VTI1A: variants seen among roughly 807,000 people sequenced by gnomAD.
VTI1A encodes the protein vesicle transport through interaction with t-SNAREs 1A.
In VTI1A, 22 loss-of-function variants were observed where a neutral mutation model predicts 34.9. The ratio of observed to expected loss-of-function variants is 0.63; its 90% CI spans 0.45 to 0.90. The LOEUF (loss-of-function observed/expected upper bound fraction) is 0.90, where lower values mean the gene tolerates loss of function less well. Ranked by LOEUF, VTI1A falls within the 40% of genes least tolerant of loss-of-function variation. The probability of loss-of-function intolerance (pLI) is 0.00; values close to 1 mark genes in which losing one functional copy is unlikely to be tolerated. For missense variants in VTI1A, 268 were observed against 275.6 expected (o/e 0.97, Z 0.20); for synonymous variants, 87 against 97.3 (o/e 0.89, Z 0.62).
intron 7 of VTI1A, among the ~76,000 whole-genome samples, chr10:112,783,594 C>T (rs1852199171): frequency 6.6e-6 from 1 of 152,196 alleles, no homozygotes; most frequent in Admixed American, 6.5e-5. Flanking sequence ...TGGCCTTTGG[C>T]TTCATGGCTA....
rs574700195 is a variant in VTI1A, at chr10:112,586,563, G to A, written c.427+48233G>A. On this transcript the variant is annotated intron_variant, in intron 5 of 7. Coordinates refer to ENST00000393077, the MANE Select transcript of VTI1A (RefSeq NM_145206.4). ...ATAAAGGATAATTTTGACATTGCAT[G>A]TGACCTGTAATCTCAAAAGCAAGTA... Among the ~76,000 whole-genome samples, 15 of 152,258 alleles carry A rather than the reference G, an allele frequency of 9.9e-5. No individual in the cohort carries two copies. The South Asian group carries it at 2.5e-3, about 25-fold the overall frequency.
intron 3 of VTI1A, among the ~76,000 whole-genome samples, chr10:112,480,718 G>C (rs1409605377): frequency 2.0e-5 from 3 of 152,112 alleles, no homozygotes; most frequent in African/African-American, 7.2e-5. Flanking sequence ...GGGAGGAAGG[G>C]GAGGACTGGA....
At chr10:112,800,216 G>A (rs906775757) in intron 7 of VTI1A, among the ~76,000 whole-genome samples, 4 of 152,196 alleles carry the variant, frequency 2.6e-5, no homozygotes, top group Non-Finnish European at 5.9e-5. Flanking sequence ...CATCTTGGCC[G>A]TCAACGAGTA....
chr10:112,450,820 AATT>A (rs1393241207), intron 1 of VTI1A: 2 of 152,080 alleles, frequency 1.3e-5, no homozygotes, highest in Admixed American at 6.5e-5. Flanking sequence ...TTGTTTTTTT[AATT>A]ATTATGGTTC....
chr10:112,790,818 C>T (rs758462877), intron 7 of VTI1A, among the ~76,000 whole-genome samples: 7 of 150,976 alleles, frequency 4.6e-5, no homozygotes, highest in South Asian at 4.2e-4. Flanking sequence ...GTGAATTTGC[C>T]GACCTCTTCG....
chr10:112,669,135 A>G, intron 7 of VTI1A, 137 bp downstream of exon 7: 1 of 896,546 alleles, frequency 1.1e-6, no homozygotes, highest in Non-Finnish European at 1.7e-6. Flanking sequence ...CATTTGAAAT[A>G]ACAGAGCACT....
intron 7 of VTI1A, among the ~76,000 whole-genome samples, chr10:112,720,678 G>A (rs182011265): frequency 6.2e-4 from 95 of 152,254 alleles, no homozygotes; most frequent in East Asian, 6.2e-3. Flanking sequence ...TAGATTAGGC[G>A]ATAACTGAAT....
At chr10:112,735,003 C>T (rs906539803) in intron 7 of VTI1A, among the ~76,000 whole-genome samples, 94 of 152,190 alleles carry the variant, frequency 6.2e-4, no homozygotes, top group African/African-American at 2.2e-3. Context: ...ACAAGGACCC[C>T]AAGTCAAGGA....
At chr10:112,812,834 T>C (rs915121138) in intron 7 of VTI1A, among the ~76,000 whole-genome samples, 1 of 152,092 alleles carries the variant, frequency 6.6e-6, no homozygotes, top group African/African-American at 2.4e-5. Flanking sequence ...GACCAAGTAG[T>C]GCTGAGAAGG....
chr10:112,799,958 G>A (rs1372897744), intron 7 of VTI1A, among the ~76,000 whole-genome samples: 2 of 149,002 alleles, frequency 1.3e-5, no homozygotes, highest in African/African-American at 4.9e-5. Flanking sequence ...TCTGATGTTA[G>A]AGAGAGAGAG....
At chr10:112,515,794 G>A (rs916837043) in intron 3 of VTI1A, among the ~76,000 whole-genome samples, 5 of 151,638 alleles carry the variant, frequency 3.3e-5, no homozygotes, top group African/African-American at 1.2e-4. Context: ...ATTAGTATTA[G>A]GCATACTATG....
intron 4 of VTI1A, among the ~76,000 whole-genome samples, chr10:112,529,091 A>G (rs1195734751): frequency 6.6e-6 from 1 of 152,150 alleles, no homozygotes; most frequent in Non-Finnish European, 1.5e-5. Context: ...ACAAATTCTG[A>G]AAGTGCTTGG....
At chr10:112,563,701 G>C (rs1016508328) in intron 5 of VTI1A, among the ~76,000 whole-genome samples, 1 of 152,148 alleles carries the variant, frequency 6.6e-6, no homozygotes, top group Non-Finnish European at 1.5e-5. Flanking sequence ...CGTCAAATTA[G>C]CACCAATATA....
intron 5 of VTI1A, among the ~76,000 whole-genome samples, chr10:112,652,453 GC>G (rs1847069351): frequency 6.6e-6 from 1 of 152,190 alleles, no homozygotes; most frequent in South Asian, 2.1e-4. Flanking sequence ...AGTTGCAGGG[GC>G]TCACGCCTGT....
chr10:112,780,529 G>T (rs1852094034), intron 7 of VTI1A, among the ~76,000 whole-genome samples: 1 of 151,982 alleles, frequency 6.6e-6, no homozygotes, highest in Non-Finnish European at 1.5e-5. Flanking sequence ...GGCGTTTCCA[G>T]TGGAGGTTTT....
intron 5 of VTI1A, among the ~76,000 whole-genome samples, chr10:112,623,029 C>T (rs924945417): frequency 6.6e-6 from 1 of 152,084 alleles, no homozygotes; most frequent in Non-Finnish European, 1.5e-5. Context: ...GTATAATGCT[C>T]AGGATTGGGT....
chr10:112,547,358 C>T (rs1440980862), intron 5 of VTI1A, among the ~76,000 whole-genome samples: 1 of 152,108 alleles, frequency 6.6e-6, no homozygotes, highest in African/African-American at 2.4e-5. Flanking sequence ...GGGCGGATCA[C>T]TTGAGGTCAG....
At chr10:112,666,536 C>T (rs1847646839) in intron 5 of VTI1A, among the ~76,000 whole-genome samples, 2 of 152,144 alleles carry the variant, frequency 1.3e-5, no homozygotes, top group African/African-American at 4.8e-5. Context: ...ATCCCTGGCA[C>T]CTGTACCTGG....
intron 7 of VTI1A, among the ~76,000 whole-genome samples, chr10:112,699,541 CA>C (rs1848915058): frequency 3.3e-5 from 5 of 152,168 alleles, no homozygotes; most frequent in Non-Finnish European, 7.3e-5. Flanking sequence ...CTTGTCAGAA[CA>C]CTGGGAGGAG....
Sources: gnomAD v4.1 joint callset for allele counts (sites outside exome capture counted in the v4.1 genomes callset) on GRCh38, gnomAD v4.1.1 for gene constraint, MANE v1.5 for transcripts, NCBI Gene and HGNC (gene_info 2026-07-23, HGNC 2026-07-21) for gene names.